The following INPP5F variants were observed in gnomAD, a reference collection of about 807,000 sequenced individuals.
The protein encoded by INPP5F is inositol polyphosphate-5-phosphatase F, also known as phosphatidylinositide 4-phosphatase SAC2.
A neutral mutation model predicts 137.2 loss-of-function variants in INPP5F; 97 were observed. That is an observed-to-expected ratio of 0.71 (90% CI 0.60 to 0.84). The LOEUF is 0.84. Ranked by LOEUF, INPP5F falls within the 40% of genes least tolerant of loss-of-function variation. The pLI is 0.00. For missense variants in INPP5F, 1,271 were observed against 1,371.9 expected (o/e 0.93, Z 1.16); for synonymous variants, 504 against 476.9 (o/e 1.06, Z -0.74).
intron 1 of INPP5F, among the ~76,000 whole-genome samples, chr10:119,749,303 C>T (rs1008353389): frequency 1.3e-5 from 2 of 152,254 alleles, no homozygotes; most frequent in Admixed American, 1.3e-4. Context: ...GTTTTCTGCC[C>T]TGCTGGCTCC....
chr10:119,767,107 GAAAAAAAAA>G (rs35875262), intron 2 of INPP5F, among the ~76,000 whole-genome samples: 12 of 40,542 alleles, frequency 3.0e-4, no homozygotes, highest in East Asian at 3.0e-3. Context: ...TCTGTCTCCA[GAAAAAAAAA>G]AAAAAAAAAA....
chr10:119,799,384 GA>G, intron 9 of INPP5F: 2 of 386,994 alleles, frequency 5.2e-6, no homozygotes, highest in Admixed American at 3.4e-5. Context: ...GGAAAAAAAA[GA>G]AAAAAACTAC....
At chr10:119,825,783 A>G (rs991347666) in intron 19 of INPP5F, among the ~76,000 whole-genome samples, 5 of 152,192 alleles carry the variant, frequency 3.3e-5, no homozygotes, top group Non-Finnish European at 7.3e-5. Flanking sequence ...TAGTGAAGAG[A>G]GCCATTTGGC....
At chr10:119,790,629 GATA>G (rs1228125339) in intron 3 of INPP5F, among the ~76,000 whole-genome samples, 2 of 152,278 alleles carry the variant, frequency 1.3e-5, no homozygotes, top group South Asian at 2.1e-4. Flanking sequence ...ACACACTGAT[GATA>G]ATAAGCATTT....
chr10:119,797,674 G>A, intron 8 of INPP5F, 34 bp downstream of exon 8: 1 of 1,506,496 alleles, frequency 6.6e-7, no homozygotes. Context: ...TGCAAATGAT[G>A]ATTTCAGAGA....
At chr10:119,795,232 C>A (rs570864062) in intron 6 of INPP5F, among the ~76,000 whole-genome samples, 3 of 141,862 alleles carry the variant, frequency 2.1e-5, no homozygotes, top group East Asian at 4.3e-4. Flanking sequence ...ACCTCCTGGA[C>A]GGGGCGGCTG....
intron 15 of INPP5F, chr10:119,819,218 CT>C (rs869037124): frequency 0.032 from 900 of 28,552 alleles, 1 homozygote; most frequent in Non-Finnish European, 0.038. Context: ...ATTGAACGTG[CT>C]TTTTTTTTTT....
chr10:119,754,579 C>T (rs1056133540), intron 2 of INPP5F, among the ~76,000 whole-genome samples: 4 of 152,136 alleles, frequency 2.6e-5, no homozygotes, highest in Non-Finnish European at 5.9e-5. Flanking sequence ...TTTTCATTCT[C>T]CTAATCCTTG....
At chr10:119,728,099 A>G (rs755349264) in intron 1 of INPP5F, among the ~76,000 whole-genome samples, 1 of 152,252 alleles carries the variant, frequency 6.6e-6, no homozygotes, top group Non-Finnish European at 1.5e-5. Flanking sequence ...TTCAAAGTCC[A>G]TGTCAGAAGG....
At chr10:119,728,242 G>C (rs1282472100) in intron 1 of INPP5F, among the ~76,000 whole-genome samples, 3 of 152,224 alleles carry the variant, frequency 2.0e-5, no homozygotes, top group African/African-American at 7.2e-5. Context: ...CCATGTTTCA[G>C]AAGTAACAGC....
intron 2 of INPP5F, among the ~76,000 whole-genome samples, chr10:119,774,105 T>TA (rs887628507): frequency 2.0e-5 from 3 of 151,396 alleles, no homozygotes; most frequent in African/African-American, 7.3e-5. Context: ...CTACTAAAAA[T>TA]AAAAAAATTA....
Position 119,820,840 on chromosome 10 carries a change from G to C in INPP5F, c.1887-6G>C. 2 of 1,601,002 alleles carry C rather than the reference G, an allele frequency of 1.2e-6. No homozygotes were observed. The highest frequency in any genetic ancestry group is 1.1e-5 in the South Asian group (1 of 90,832). On this transcript the variant is annotated splice_polypyrimidine_tract_variant and splice_region_variant and intron_variant, in intron 15 of 19. Coordinates refer to ENST00000650623, the MANE Select transcript of INPP5F (RefSeq NM_014937.4). Reference sequence around the variant, plus strand: ...ATACTTAATCTCCTGTGTCATATTTGTTTAGCCTCATTGATGCTACTCACA... The same window carrying C: ...ATACTTAATCTCCTGTGTCATATTTCTTTAGCCTCATTGATGCTACTCACA...
chr10:119,738,494 A>G (rs550876026), intron 1 of INPP5F, among the ~76,000 whole-genome samples: 1 of 152,196 alleles, frequency 6.6e-6, no homozygotes, highest in East Asian at 1.9e-4. Flanking sequence ...TTCTGCCCCC[A>G]GAGTAGCCAT....
chr10:119,766,757 T>G (rs1849176209), intron 2 of INPP5F, among the ~76,000 whole-genome samples: 1 of 151,400 alleles, frequency 6.6e-6, no homozygotes, highest in Non-Finnish European at 1.5e-5. Flanking sequence ...TAAAGACATT[T>G]TGAGACAAAT....
chr10:119,754,036 A>C (rs1297866736), intron 2 of INPP5F, among the ~76,000 whole-genome samples: 1 of 152,184 alleles, frequency 6.6e-6, no homozygotes, highest in Non-Finnish European at 1.5e-5. Flanking sequence ...TGCCTTTAAA[A>C]TGACACCCTT....
At chr10:119,792,063 G>A (rs1007692567) in intron 5 of INPP5F, 27 bp downstream of exon 5, 2 of 1,614,090 alleles carry the variant, frequency 1.2e-6, no homozygotes, top group South Asian at 2.2e-5. Context: ...GTAGAGCAGG[G>A]TTTGCACTTG....
chr10:119,727,386 G>A (rs1188342495), intron 1 of INPP5F, among the ~76,000 whole-genome samples: 3 of 152,212 alleles, frequency 2.0e-5, no homozygotes, highest in Non-Finnish European at 4.4e-5. Context: ...CTTATAGGAT[G>A]GTTTTTAAGG....
chr10:119,780,203 G>T (rs989986373), intron 2 of INPP5F, among the ~76,000 whole-genome samples: 4 of 152,130 alleles, frequency 2.6e-5, no homozygotes, highest in Admixed American at 2.6e-4. Flanking sequence ...TGACTGTATA[G>T]ATATATATCA....
At chr10:119,826,560 T>C in intron 19 of INPP5F, 71 bp from the exon 20 acceptor site, 8 of 1,226,628 alleles carry the variant, frequency 6.5e-6, no homozygotes, top group Admixed American at 2.3e-5. Context: ...CTGTTTTCAC[T>C]TATGTTAATA....
Sources: allele counts gnomAD v4.1 joint callset (sites outside exome capture counted in the v4.1 genomes callset), GRCh38; gene constraint gnomAD v4.1.1; transcripts MANE v1.5; gene names NCBI Gene and HGNC (gene_info 2026-07-23, HGNC 2026-07-21).